The following SGCZ variants were observed in gnomAD, a reference collection of about 807,000 sequenced individuals.
SGCZ encodes zeta-sarcoglycan.
A neutral mutation model predicts 41.3 loss-of-function variants in SGCZ; 40 were observed. That is an observed-to-expected ratio of 0.97 (90% CI 0.75 to 1.26). The LOEUF (loss-of-function observed/expected upper bound fraction) is 1.26. SGCZ is among the 50% of genes most tolerant of loss of function. The probability of loss-of-function intolerance (pLI) is 0.00; values close to 1 mark genes in which losing one functional copy is unlikely to be tolerated. For missense variants in SGCZ, 552 were observed against 369.8 expected, an observed-to-expected ratio of 1.49 and a Z score of -4.04; for synonymous variants, 206 against 137.5, an observed-to-expected ratio of 1.50 and a Z score of -3.49.
At chr8:15,057,729 G>C (rs912775612) in intron 1 of SGCZ, among the ~76,000 whole-genome samples, 5 of 152,188 alleles carry the variant, frequency 3.3e-5, no homozygotes, top group Admixed American at 3.3e-4. Flanking sequence ...ATTCTTCCAA[G>C]AATTAGCTGT....
At chr8:14,586,312 C>T (rs969909942) in intron 1 of SGCZ, among the ~76,000 whole-genome samples, 3 of 152,036 alleles carry the variant, frequency 2.0e-5, no homozygotes, top group Non-Finnish European at 4.4e-5. Context: ...CTCCTGGGCT[C>T]AAGTGATTCT....
At chr8:14,100,555 ATATAT>A (rs1457585453) in intron 7 of SGCZ, among the ~76,000 whole-genome samples, 5 of 81,240 alleles carry the variant, frequency 6.2e-5, no homozygotes, top group African/African-American at 1.8e-4. Context: ...CATTAGATTA[ATATAT>A]TATATATTAA....
chr8:14,679,301 C>T (rs976213937), intron 1 of SGCZ, among the ~76,000 whole-genome samples: 7 of 151,632 alleles, frequency 4.6e-5, no homozygotes, highest in Non-Finnish European at 1.0e-4. Context: ...AACTGTAAGC[C>T]TCAGGAAGAT....
chr8:14,616,816 T>G (rs769407123), intron 1 of SGCZ, among the ~76,000 whole-genome samples: 3 of 152,194 alleles, frequency 2.0e-5, no homozygotes, highest in Admixed American at 6.5e-5. Context: ...TTGTTAGCAA[T>G]TTAAGATCTC....
chr8:14,174,734 T>C (rs1426520120), intron 4 of SGCZ, among the ~76,000 whole-genome samples: 1 of 152,164 alleles, frequency 6.6e-6, no homozygotes, highest in Admixed American at 6.5e-5. Context: ...TTGCCAGGGC[T>C]GCTGTAATAA....
chr8:14,169,403 G>A (rs1049512743), intron 4 of SGCZ, among the ~76,000 whole-genome samples: 1 of 151,986 alleles, frequency 6.6e-6, no homozygotes, highest in Non-Finnish European at 1.5e-5. Context: ...ACTCCAATCA[G>A]GCATTATCTC....
intron 2 of SGCZ, among the ~76,000 whole-genome samples, chr8:14,544,318 G>A (rs1209107620): frequency 6.6e-6 from 1 of 152,060 alleles, no homozygotes; most frequent in African/African-American, 2.4e-5. Flanking sequence ...CAAATTGATT[G>A]TAAAACATGT....
intron 1 of SGCZ, among the ~76,000 whole-genome samples, chr8:14,985,943 T>C (rs946684698): frequency 4.6e-5 from 7 of 152,168 alleles, no homozygotes; most frequent in Non-Finnish European, 7.4e-5. Context: ...GGGCTCCAAT[T>C]ACCATGAAAT....
At position 14,768,430 on chromosome 8, in the gene SGCZ, T is replaced by C. The variant is rs778665992; in HGVS notation, c.40-213504A>G. On this transcript the variant is annotated intron_variant, in intron 1 of 7. Transcript: ENST00000382080. ...ATTGCTTTACCTTAACACTGAAGAA[T>C]GACTTAAGCACTGTGGGGAATAACA... 7.4e-4 allele frequency among the ~76,000 whole-genome samples: 112 copies of C among 152,330 alleles called. 2 individuals are homozygous for C. In the Middle Eastern group the frequency reaches 0.02, roughly 28 times the overall value.
At position 14,277,305 on chromosome 8, in the gene SGCZ, A is replaced by C. The variant is rs529351302; in HGVS notation, c.337-39626T>G. On this transcript the variant is annotated intron_variant, in intron 3 of 7. Coordinates refer to ENST00000382080, the MANE Select transcript of SGCZ (RefSeq NM_139167.4). The stretch of plus-strand genomic sequence containing the variant: ...ATTGCTAATTGGGTCATGTTCCTTC[A>C]TAAGTTTCAGCTTTTGCAATCCTGT... Among the ~76,000 whole-genome samples the C allele has an allele frequency of 4.8e-4, 73 of 152,056 alleles. 1 individual carries two copies. The highest frequency in any genetic ancestry group is 6.2e-4 in the Non-Finnish European group (42 of 67,992).
intron 1 of SGCZ, among the ~76,000 whole-genome samples, chr8:14,991,254 A>G (rs1802005052): frequency 6.6e-6 from 1 of 152,144 alleles, no homozygotes; most frequent in African/African-American, 2.4e-5. Flanking sequence ...TTCAGAAACT[A>G]AACAGGCTCG....
At chr8:14,972,878 A>G (rs186684694) in intron 1 of SGCZ, among the ~76,000 whole-genome samples, 5 of 152,334 alleles carry the variant, frequency 3.3e-5, no homozygotes, top group African/African-American at 4.8e-5. Flanking sequence ...AAACAACTAT[A>G]TAGAAATTTG....
At chr8:15,107,017 T>G (rs1239000938) in intron 1 of SGCZ, among the ~76,000 whole-genome samples, 1 of 152,328 alleles carries the variant, frequency 6.6e-6, no homozygotes, top group South Asian at 2.1e-4. Context: ...GATGGATTAC[T>G]ACTGCTGATC....
intron 1 of SGCZ, among the ~76,000 whole-genome samples, chr8:15,162,777 A>T (rs1245865978): frequency 6.6e-6 from 1 of 152,194 alleles, no homozygotes; most frequent in Non-Finnish European, 1.5e-5. Context: ...TTTTTATAGC[A>T]TCTTACCTCT....
intron 2 of SGCZ, among the ~76,000 whole-genome samples, chr8:14,477,488 A>G (rs1177664416): frequency 1.3e-5 from 2 of 152,162 alleles, no homozygotes; most frequent in African/African-American, 4.8e-5. Flanking sequence ...TGTGGGTAGT[A>G]GAAATACCAC....
intron 2 of SGCZ, among the ~76,000 whole-genome samples, chr8:14,350,017 T>C (rs1478293691): frequency 6.6e-6 from 1 of 152,146 alleles, no homozygotes; most frequent in South Asian, 2.1e-4. Context: ...ACTATTAATG[T>C]TGTATATAAA....
At chr8:14,752,886 C>A (rs540117628) in intron 1 of SGCZ, among the ~76,000 whole-genome samples, 9 of 151,364 alleles carry the variant, frequency 5.9e-5, no homozygotes, top group South Asian at 2.1e-4. Context: ...AAAGCACTAT[C>A]TGTGTTTGAG....
At chr8:14,357,125 T>A (rs893412763) in intron 2 of SGCZ, among the ~76,000 whole-genome samples, 1 of 152,146 alleles carries the variant, frequency 6.6e-6, no homozygotes, top group African/African-American at 2.4e-5. Context: ...ACTAAGGACC[T>A]ACACACACCT....
chr8:14,814,252 C>T (rs1801826836), intron 1 of SGCZ, among the ~76,000 whole-genome samples: 1 of 152,078 alleles, frequency 6.6e-6, no homozygotes, highest in South Asian at 2.1e-4. Flanking sequence ...CCTTAGGGGA[C>T]CTGACTACGC....
Sources: gnomAD v4.1 joint callset for allele counts (sites outside exome capture counted in the v4.1 genomes callset) on GRCh38, gnomAD v4.1.1 for gene constraint, MANE v1.5 for transcripts, NCBI Gene and HGNC (gene_info 2026-07-23, HGNC 2026-07-21) for gene names.